The following KYNU variants were observed in gnomAD, a reference collection of about 807,000 sequenced individuals.
KYNU encodes the protein L-kynurenine hydrolase.
Under a neutral mutation model 59.2 loss-of-function variants are expected in KYNU, and 54 were observed. That is an observed-to-expected ratio of 0.91 (90% CI 0.73 to 1.14). The LOEUF is 1.14. KYNU is among the 50% of genes most tolerant of loss of function. KYNU has a pLI of 0.00. For synonymous variants in KYNU, 177 were observed against 192.0 expected (o/e 0.92, Z 0.65); for missense variants, 567 against 554.4 (o/e 1.02, Z -0.23).
chr2:142,889,357 G>T (rs749291657), intron 2 of KYNU, among the ~76,000 whole-genome samples: 1 of 152,066 alleles, frequency 6.6e-6, no homozygotes, highest in Non-Finnish European at 1.5e-5. Flanking sequence ...TTGCTCCCTC[G>T]GTGTAGCATT....
chr2:142,945,153 A>T (rs1174061862), intron 4 of KYNU, among the ~76,000 whole-genome samples: 4 of 152,204 alleles, frequency 2.6e-5, no homozygotes, highest in Non-Finnish European at 4.4e-5. Context: ...GATAGCAATC[A>T]CGTTTGCCAT....
intron 4 of KYNU, 123 bp from the exon 5 acceptor site, chr2:142,954,687 A>C: frequency 1.5e-6 from 1 of 654,152 alleles, no homozygotes; most frequent in Middle Eastern, 3.7e-4. Context: ...TTGTGATGAC[A>C]CATCAAATAT....
At chr2:143,027,378 T>G (rs894825254) in intron 10 of KYNU, among the ~76,000 whole-genome samples, 1 of 152,216 alleles carries the variant, frequency 6.6e-6, no homozygotes, top group Non-Finnish European at 1.5e-5. Flanking sequence ...TAATTTTAAG[T>G]CATTTTGTAT....
At chr2:142,972,809 TATATAGAG>T (rs1259124087) in intron 8 of KYNU, among the ~76,000 whole-genome samples, 1,758 of 137,332 alleles carry the variant, frequency 0.013, 33 homozygotes, top group African/African-American at 0.045. Context: ...TATATATATA[TATATAGAG>T]AGAGAGAGAG....
At chr2:142,972,743 A>C (rs1464742522) in intron 8 of KYNU, among the ~76,000 whole-genome samples, 2 of 151,304 alleles carry the variant, frequency 1.3e-5, no homozygotes, top group Non-Finnish European at 2.9e-5. Flanking sequence ...ATATATATAT[A>C]TGAATTTGCC....
chr2:142,954,043 A>T (rs180794120), intron 4 of KYNU: 18 of 152,280 alleles, frequency 1.2e-4, no homozygotes, highest in Admixed American at 9.8e-4. Flanking sequence ...TTGAAGAAAC[A>T]TCATAAGGAC....
chr2:142,920,945 T>TA (rs996903980), intron 3 of KYNU, among the ~76,000 whole-genome samples: 1 of 152,220 alleles, frequency 6.6e-6, no homozygotes, highest in African/African-American at 2.4e-5. Flanking sequence ...ATATTTAGCT[T>TA]AAAATCCCAC....
chr2:142,897,768 C>T (rs561168308), intron 2 of KYNU, among the ~76,000 whole-genome samples: 19 of 152,254 alleles, frequency 1.2e-4, no homozygotes, highest in South Asian at 4.1e-4. Flanking sequence ...TTTTAACCTA[C>T]GATATCTAAA....
chr2:142,898,933 G>A (rs556174516), intron 2 of KYNU, among the ~76,000 whole-genome samples: 1 of 152,284 alleles, frequency 6.6e-6, no homozygotes, highest in Admixed American at 6.5e-5. Flanking sequence ...ACAATGGTGA[G>A]CCTTTAGCCC....
intron 10 of KYNU, among the ~76,000 whole-genome samples, chr2:143,012,863 CT>C (rs1686150065): frequency 6.6e-6 from 1 of 152,206 alleles, no homozygotes; most frequent in African/African-American, 2.4e-5. Flanking sequence ...ATTTTCTTCC[CT>C]CACACCTGTC....
At chr2:142,998,419 A>G (rs1685607751) in intron 10 of KYNU, among the ~76,000 whole-genome samples, 1 of 152,204 alleles carries the variant, frequency 6.6e-6, no homozygotes, top group South Asian at 2.1e-4. Flanking sequence ...CAAGTGATGG[A>G]TCTTAAAATG....
At chr2:142,890,803 C>A (rs1452024734) in intron 2 of KYNU, among the ~76,000 whole-genome samples, 1 of 152,112 alleles carries the variant, frequency 6.6e-6, no homozygotes, top group Non-Finnish European at 1.5e-5. Context: ...AGAATCTTTG[C>A]TCATTAGATA....
chr2:143,029,498 AT>A (rs1686679759), intron 10 of KYNU, 128 bp from the exon 11 acceptor site: 1 of 688,632 alleles, frequency 1.5e-6, no homozygotes, highest in South Asian at 1.5e-5. Flanking sequence ...AGGCACAAGA[AT>A]CGCTTGAACC....
At chr2:142,933,173 G>A (rs1683284252) in intron 4 of KYNU, among the ~76,000 whole-genome samples, 1 of 152,206 alleles carries the variant, frequency 6.6e-6, no homozygotes, top group African/African-American at 2.4e-5. Context: ...TCGGAGGCAG[G>A]CAGGCCATCC....
chr2:142,974,087 A>G (rs781222580), intron 8 of KYNU, among the ~76,000 whole-genome samples: 2 of 152,228 alleles, frequency 1.3e-5, no homozygotes, highest in Non-Finnish European at 2.9e-5. Context: ...TCATTCCCAT[A>G]GTCAACCAAA....
At chr2:143,013,771 CA>C (rs990623652) in intron 10 of KYNU, among the ~76,000 whole-genome samples, 7 of 152,080 alleles carry the variant, frequency 4.6e-5, no homozygotes, top group African/African-American at 1.4e-4. Flanking sequence ...AATGACATTG[CA>C]AAGGTAGATG....
chr2:142,994,051 G>T (rs352874), intron 10 of KYNU, among the ~76,000 whole-genome samples: 85,017 of 151,824 alleles, frequency 0.56, 24,352 homozygotes, highest in East Asian at 0.79. Flanking sequence ...TCAAGTTTTA[G>T]CCCTAAAGTA....
chr2:142,943,442 A>G lies in KYNU; in HGVS notation c.374-11368A>G, dbSNP rs574979504. 2.6e-5 allele frequency among the ~76,000 whole-genome samples: 4 copies of G among 152,348 alleles called. No homozygotes were observed. The East Asian group carries it at 7.7e-4, about 29-fold the overall frequency. On this transcript the variant is annotated intron_variant, in intron 4 of 13. Coordinates refer to ENST00000264170, the MANE Select transcript of KYNU (RefSeq NM_003937.3). ...AGAAATAATAACCATATTTATTCAT[A>G]GAAGTAGAAAAAATTCAATTTCAGA...
At chr2:143,016,702 G>A (rs879538822) in intron 10 of KYNU, among the ~76,000 whole-genome samples, 1 of 152,096 alleles carries the variant, frequency 6.6e-6, no homozygotes, top group Non-Finnish European at 1.5e-5. Flanking sequence ...TGACTTTATG[G>A]TTTAGTTCCA....
Sources: gnomAD v4.1 joint callset for allele counts (sites outside exome capture counted in the v4.1 genomes callset) on GRCh38, gnomAD v4.1.1 for gene constraint, MANE v1.5 for transcripts, NCBI Gene and HGNC (gene_info 2026-07-23, HGNC 2026-07-21) for gene names.